The following MYCT1 variants were observed in gnomAD, a reference collection of about 807,000 sequenced individuals.
The protein encoded by MYCT1 is MYC target 1.
Under a neutral mutation model 15.0 loss-of-function variants are expected in MYCT1, and 12 were observed. The observed-to-expected ratio is 0.80, with a 90% CI of 0.51 to 1.29. The LOEUF is 1.29. Ranked by LOEUF, MYCT1 falls within the 50% of genes most tolerant of loss-of-function variation. The pLI is 0.00. For synonymous variants in MYCT1, 104 were observed against 102.7 expected (o/e 1.01, Z -0.07); for missense variants, 287 against 279.1 (o/e 1.03, Z -0.20).
rs2099722190 is a variant in MYCT1 at position 152,705,973 on chromosome 6, A to G, written c.196+7875A>G. 7 of 794,622 alleles carry G rather than the reference A, an allele frequency of 8.8e-6. No homozygotes were observed. In the South Asian group the frequency reaches 9.3e-5, roughly 11 times the overall value. The allele number at this position is 794,622 out of a possible 1,614,324, so 49.2% of individuals were successfully genotyped here. A position where few individuals can be genotyped will look rare whatever the true frequency, so the allele number is the denominator to read the frequency against. On this transcript the variant is annotated intron_variant, in intron 1 of 1. Transcript: ENST00000367245. ...GAAAAAGCAATTATTGACCCAACAAAGATTGTGAGAGCTGCTTTATCGGAT... is the reference window on the plus strand; with the variant it reads ...GAAAAAGCAATTATTGACCCAACAAGGATTGTGAGAGCTGCTTTATCGGAT...
the MYCT1 span, among the ~76,000 whole-genome samples, chr6:152,746,385 C>A: frequency 6.6e-6 from 1 of 152,182 alleles, no homozygotes; most frequent in Non-Finnish European, 1.5e-5. Flanking sequence ...ATATGCTGGA[C>A]AAAGGGATGA....
At chr6:152,717,317 AG>A (rs2099723854) in intron 1 of MYCT1, among the ~76,000 whole-genome samples, 1 of 152,218 alleles carries the variant, frequency 6.6e-6, no homozygotes, top group African/African-American at 2.4e-5. Flanking sequence ...CATATACCTC[AG>A]GAAGTCTTAG....
At position 152,713,966 on chromosome 6, in the gene MYCT1, G is replaced by A. The variant is rs79036132; in HGVS notation, c.197-7776G>A. Among the ~76,000 whole-genome samples the A allele has an allele frequency of 8.0e-3, 1,224 of 152,170 alleles. 16 individuals are homozygous for A. Among genetic ancestry groups the A allele is most frequent in the African/African-American group, 0.027 (1,132 of 41,550 alleles). On this transcript the variant is annotated intron_variant, in intron 1 of 1. Transcript: ENST00000367245. The stretch of plus-strand genomic sequence containing the variant: ...CTCAACTCCTCTCCAGTAGCTACAA[G>A]CATTTGGTCATTCTTAAGGCCTTTA...
chr6:152,737,478 G>C, the MYCT1 span, among the ~76,000 whole-genome samples: 1 of 151,876 alleles, frequency 6.6e-6, no homozygotes, highest in Non-Finnish European at 1.5e-5. Flanking sequence ...TTATGTGGTG[G>C]AGCTGGGATT....
chr6:152,703,970 ATTT>A (rs1394144388), intron 1 of MYCT1, among the ~76,000 whole-genome samples: 23 of 134,274 alleles, frequency 1.7e-4, no homozygotes, highest in African/African-American at 5.9e-4. Context: ...ATTTTATTTT[ATTT>A]TATTTTATTT....
intron 1 of MYCT1, among the ~76,000 whole-genome samples, chr6:152,708,499 T>A (rs2099722678): frequency 6.6e-6 from 1 of 152,040 alleles, no homozygotes; most frequent in East Asian, 1.9e-4. Context: ...GATGATATAG[T>A]AAGTCCCTGT....
downstream of MYCT1, among the ~76,000 whole-genome samples, chr6:152,725,517 T>G (rs566569030): frequency 1.3e-5 from 2 of 152,174 alleles, no homozygotes; most frequent in African/African-American, 4.8e-5. Flanking sequence ...AACTCCTGGC[T>G]TCAAGAGATC....
the MYCT1 span, among the ~76,000 whole-genome samples, chr6:152,729,955 C>G: frequency 1.3e-5 from 2 of 152,136 alleles, no homozygotes; most frequent in Admixed American, 1.3e-4. Context: ...AATTTAAAAG[C>G]CCCTTTCTTC....
rs199838766 is a variant in MYCT1, at chr6:152,714,793, C to CAT, written c.197-6939_197-6938dup. Among the ~76,000 whole-genome samples the CAT allele has an allele frequency of 3.1e-3, 470 of 151,214 alleles. 2 individuals carry two copies. The highest frequency in any genetic ancestry group is 0.011 in the African/African-American group (441 of 41,360). ...GACTTGTAATTTATTATTTATAACA[C>CAT]ATATATATATAACATTATTAGGTAT... On this transcript the variant is annotated intron_variant, in intron 1 of 1. Transcript: ENST00000367245.
At chr6:152,735,281 T>C in the MYCT1 span, among the ~76,000 whole-genome samples, 1 of 152,274 alleles carries the variant, frequency 6.6e-6, no homozygotes, top group Non-Finnish European at 1.5e-5. Context: ...ATATTATAAA[T>C]AGATAAACTT....
chr6:152,729,941 G>A, the MYCT1 span, among the ~76,000 whole-genome samples: 33 of 152,220 alleles, frequency 2.2e-4, no homozygotes, highest in African/African-American at 7.2e-4. Context: ...ACTATAAAAA[G>A]TAAAATTTAA....
At chr6:152,735,738 G>T in the MYCT1 span, among the ~76,000 whole-genome samples, 1 of 151,946 alleles carries the variant, frequency 6.6e-6, no homozygotes, top group African/African-American at 2.4e-5. Flanking sequence ...TTTTGAAATA[G>T]AAAGTTTAAA....
chr6:152,730,753 T>TTTTTATATAAAAATGTTG, the MYCT1 span, among the ~76,000 whole-genome samples: 1 of 152,212 alleles, frequency 6.6e-6, no homozygotes, highest in East Asian at 1.9e-4. Flanking sequence ...AAAATTTTCA[T>TTTTTATATAAAAATGTTG]TTTTATATAA....
chr6:152,708,852 A>T lies in MYCT1; in HGVS notation c.196+10754A>T, dbSNP rs1181265891. 4.3e-5 allele frequency among the ~76,000 whole-genome samples: 3 copies of T among 69,856 alleles called. 1 individual carries two copies. Among genetic ancestry groups the T allele is most frequent in the African/African-American group, 1.2e-4 (3 of 24,910 alleles). The allele number at this position is 69,856 out of a possible 152,430, so 45.8% of individuals were successfully genotyped here. ...TTCTGTTTCACCTGAAAGAGTATTT[A>T]TTTTTTTATTTTTTTTTTTATTATA... On this transcript the variant is annotated intron_variant, in intron 1 of 1. Coordinates refer to ENST00000367245, the MANE Select transcript of MYCT1 (RefSeq NM_025107.3).
the MYCT1 span, among the ~76,000 whole-genome samples, chr6:152,736,969 G>T: frequency 6.6e-6 from 1 of 152,114 alleles, no homozygotes; most frequent in African/African-American, 2.4e-5. Flanking sequence ...AAATGATGTT[G>T]TGAGCCTTCC....
At chr6:152,732,082 T>C in the MYCT1 span, among the ~76,000 whole-genome samples, 2 of 152,214 alleles carry the variant, frequency 1.3e-5, no homozygotes, top group Admixed American at 6.5e-5. Context: ...TATACCCAAA[T>C]TAATTTATAA....
rs1034212346 is a variant in MYCT1, at chr6:152,722,457, T to C, written c.*204T>C. 7.4e-6 allele frequency: 4 copies of C among 541,260 alleles called. No individual in the cohort carries two copies. Among genetic ancestry groups the C allele is most frequent in the Non-Finnish European group, 1.3e-5 (4 of 316,708 alleles). The allele number at this position is 541,260 out of a possible 1,614,324, so 33.5% of individuals were successfully genotyped here. ...CCCTTTTGTTTCAAAAAATGTAATA[T>C]TTTCCCCCAAGCGTTTTATATTTAT... On this transcript the variant is annotated 3_prime_UTR_variant, in exon 2 of 2. Transcript: ENST00000367245.
chr6:152,740,742 G>A, the MYCT1 span, among the ~76,000 whole-genome samples: 8 of 152,102 alleles, frequency 5.3e-5, no homozygotes, highest in Admixed American at 3.9e-4. Context: ...ACAAAAGGAC[G>A]AATATTTTTT....
intron 1 of MYCT1, among the ~76,000 whole-genome samples, chr6:152,720,413 T>A (rs1466456999): frequency 4.6e-5 from 7 of 151,954 alleles, no homozygotes; most frequent in Non-Finnish European, 7.4e-5. Context: ...AGCAAAACGT[T>A]TGTGGCTATT....
Sources: gnomAD v4.1 joint callset for allele counts (sites outside exome capture counted in the v4.1 genomes callset) on GRCh38, gnomAD v4.1.1 for gene constraint, MANE v1.5 for transcripts, NCBI Gene and HGNC (gene_info 2026-07-23, HGNC 2026-07-21) for gene names.